Variants in RTL4 observed in about 807,000 individuals in gnomAD.
RTL4 encodes the protein retrotransposon Gag-like protein 4.
A neutral mutation model predicts 5.3 loss-of-function variants in RTL4; 4 were observed. The observed-to-expected ratio is 0.75, with a 90% CI of 0.37 to 1.72. The LOEUF is 1.72. Among genes scored for constraint, RTL4 ranks in the 40% most tolerant of loss-of-function variants. The pLI is 0.04. For synonymous variants in RTL4, 98 were observed against 87.3 expected (o/e 1.12, Z -0.68); for missense variants, 260 against 227.1 (o/e 1.14, Z -0.93).
chrX:112,360,791 G>GA, the RTL4 span, among the ~76,000 whole-genome samples: 18 of 109,069 alleles, frequency 1.7e-4, no homozygotes, highest in African/African-American at 6.0e-4. Flanking sequence ...GTATACTTCT[G>GA]AAAAAAAATG....
At chrX:112,141,906 G>A in the RTL4 span, among the ~76,000 whole-genome samples, 1 of 111,679 alleles carries the variant, frequency 9.0e-6, no homozygotes, top group African/African-American at 3.3e-5. Flanking sequence ...TAAGGGTTTT[G>A]GAATCTTTAT....
chrX:112,302,192 C>T, the RTL4 span, among the ~76,000 whole-genome samples: 500 of 98,877 alleles, frequency 5.1e-3, 4 homozygotes, highest in African/African-American at 0.018. Context: ...ACCCAGGAGG[C>T]GGAGCTTGCA....
chrX:112,160,490 C>G, the RTL4 span, among the ~76,000 whole-genome samples: 4 of 112,180 alleles, frequency 3.6e-5, no homozygotes, highest in Non-Finnish European at 5.6e-5. Flanking sequence ...TGAGATAAAT[C>G]AGTCTCTGCC....
At chrX:112,453,242 A>G (rs1926774371), upstream of RTL4, among the ~76,000 whole-genome samples, 1 of 111,479 alleles carries the variant, frequency 9.0e-6, no homozygotes, top group African/African-American at 3.3e-5. Flanking sequence ...TACATTTAAA[A>G]AGATTCAATG....
At chrX:112,161,828 C>CTTT in the RTL4 span, among the ~76,000 whole-genome samples, 24 of 33,881 alleles carry the variant, frequency 7.1e-4, no homozygotes, top group African/African-American at 1.0e-3. Flanking sequence ...TTCCTTCCTT[C>CTTT]CTTCCTTCCT....
At chrX:112,352,880 C>T in the RTL4 span, among the ~76,000 whole-genome samples, 116 of 111,753 alleles carry the variant, frequency 1.0e-3, no homozygotes, top group South Asian at 8.9e-3. Flanking sequence ...AAACTACCAT[C>T]AGAGTGATCA....
At chrX:112,292,638 T>TA in the RTL4 span, among the ~76,000 whole-genome samples, 1 of 111,649 alleles carries the variant, frequency 9.0e-6, no homozygotes, top group South Asian at 3.7e-4. Context: ...ACCAATTAAA[T>TA]AAAAAATTCC....
At chrX:112,379,440 C>T in the RTL4 span, among the ~76,000 whole-genome samples, 218 of 112,470 alleles carry the variant, frequency 1.9e-3, no homozygotes, top group African/African-American at 6.6e-3. Flanking sequence ...TTTCTACTTA[C>T]GTAATCATGT....
At chrX:112,339,520 G>A in the RTL4 span, among the ~76,000 whole-genome samples, 1 of 112,084 alleles carries the variant, frequency 8.9e-6, no homozygotes, top group Non-Finnish European at 1.9e-5. Flanking sequence ...GAACAAATGA[G>A]AAAGGATTAG....
At chrX:112,454,581 C>T (rs1926798290) in exon 1 of RTL4, 1 of 502,418 alleles carries the variant, frequency 2.0e-6, no homozygotes. Flanking sequence ...CAGCTGTTAG[C>T]ATCTCCTAGT....
At chrX:112,241,169 G>T in the RTL4 span, among the ~76,000 whole-genome samples, 1 of 111,071 alleles carries the variant, frequency 9.0e-6, no homozygotes, top group Non-Finnish European at 1.9e-5. Context: ...ATACCATAAA[G>T]ATTATATAAA....
chrX:112,322,034 A>T, the RTL4 span, among the ~76,000 whole-genome samples: 8 of 112,135 alleles, frequency 7.1e-5, no homozygotes, highest in Non-Finnish European at 1.9e-5. Context: ...TCCAGAGTAG[A>T]CTATAATGCT....
the RTL4 span, among the ~76,000 whole-genome samples, chrX:112,402,648 T>G: frequency 9.0e-6 from 1 of 111,115 alleles, no homozygotes; most frequent in Non-Finnish European, 1.9e-5. Context: ...CTTAGTGAAT[T>G]TAGCAGCTCC....
upstream of RTL4, among the ~76,000 whole-genome samples, chrX:112,449,960 C>T (rs1053208153): frequency 2.8e-4 from 31 of 112,108 alleles, no homozygotes; most frequent in African/African-American, 1.0e-3. Flanking sequence ...ACAGTTTGCC[C>T]TTCTGGTCAC....
At chrX:112,429,904 G>A in the RTL4 span, among the ~76,000 whole-genome samples, 11 of 111,548 alleles carry the variant, frequency 9.9e-5, no homozygotes, top group South Asian at 3.7e-4. Flanking sequence ...GAATAGAAAT[G>A]TGATGTAATT....
At chrX:112,173,383 C>A in the RTL4 span, among the ~76,000 whole-genome samples, 1 of 111,434 alleles carries the variant, frequency 9.0e-6, no homozygotes, top group South Asian at 3.8e-4. Flanking sequence ...ATGCTCCCAT[C>A]ATTCTCATCT....
the RTL4 span, among the ~76,000 whole-genome samples, chrX:112,117,203 GTTATATGGTAAA>G: frequency 5.5e-5 from 6 of 108,434 alleles, no homozygotes; most frequent in African/African-American, 1.7e-4. Flanking sequence ...CCACATAATC[GTTATATGGTAAA>G]TACACTATTT....
the RTL4 span, among the ~76,000 whole-genome samples, chrX:112,148,232 C>T: frequency 9.3e-6 from 1 of 107,373 alleles, no homozygotes; most frequent in Non-Finnish European, 1.9e-5. Flanking sequence ...GTGATGTGAA[C>T]TTGGGATTCC....
the RTL4 span, among the ~76,000 whole-genome samples, chrX:112,200,570 A>T: frequency 3.6e-5 from 4 of 111,995 alleles, no homozygotes; most frequent in African/African-American, 1.3e-4. Flanking sequence ...TGACAAGTAG[A>T]CACCAGAATC....
Sources: allele counts gnomAD v4.1 joint callset (sites outside exome capture counted in the v4.1 genomes callset), GRCh38; gene constraint gnomAD v4.1.1; transcripts MANE v1.5; gene names NCBI Gene and HGNC (gene_info 2026-07-23, HGNC 2026-07-21).